CABCOCO1: variants seen among roughly 807,000 people sequenced by gnomAD.
CABCOCO1 encodes the protein ciliary-associated calcium-binding coiled-coil protein 1.
CABCOCO1 carries 28 observed loss-of-function variants against 35.7 expected under a neutral mutation model. That is an observed-to-expected ratio of 0.78 (90% confidence interval 0.58 to 1.07). The LOEUF (loss-of-function observed/expected upper bound fraction) is 1.07. CABCOCO1 is among the 50% of genes least tolerant of loss of function. CABCOCO1 has a pLI of 0.00. For missense variants in CABCOCO1, 326 were observed against 309.2 expected, an observed-to-expected ratio of 1.05 and a Z score of -0.41; for synonymous variants, 95 against 100.1, an observed-to-expected ratio of 0.95 and a Z score of 0.30.
intron 5 of CABCOCO1, among the ~76,000 whole-genome samples, chr10:61,717,491 C>T (rs1840896314): frequency 6.6e-6 from 1 of 151,864 alleles, no homozygotes; most frequent in Admixed American, 6.6e-5. Context: ...TTGTGCTGTA[C>T]CTAGAGATCC....
intron 2 of CABCOCO1, among the ~76,000 whole-genome samples, chr10:61,677,988 G>A (rs906536374): frequency 7.9e-5 from 12 of 151,858 alleles, no homozygotes; most frequent in African/African-American, 2.9e-4. Flanking sequence ...CTATCCAAAT[G>A]TCAGAAGTAT....
intron 5 of CABCOCO1, among the ~76,000 whole-genome samples, chr10:61,756,293 T>C (rs1228095612): frequency 6.6e-6 from 1 of 152,066 alleles, no homozygotes; most frequent in African/African-American, 2.4e-5. Context: ...ACTAACTTAA[T>C]TTTCATGTAA....
intron 1 of CABCOCO1, among the ~76,000 whole-genome samples, chr10:61,664,989 G>C (rs1839122020): frequency 6.6e-6 from 1 of 152,166 alleles, no homozygotes; most frequent in South Asian, 2.1e-4. Flanking sequence ...AATAAATTCT[G>C]TATCCAAAAT....
At chr10:61,692,206 T>C (rs1481738213) in intron 5 of CABCOCO1, among the ~76,000 whole-genome samples, 1 of 152,212 alleles carries the variant, frequency 6.6e-6, no homozygotes, top group Admixed American at 6.5e-5. Context: ...TGAGATTGTA[T>C]CTCATTGTGG....
intron 5 of CABCOCO1, among the ~76,000 whole-genome samples, chr10:61,717,113 G>GA (rs1169528337): frequency 6.6e-6 from 1 of 151,838 alleles, no homozygotes; most frequent in Non-Finnish European, 1.5e-5. Context: ...TGAAGAAAAG[G>GA]AAAAAATTAC....
intron 1 of CABCOCO1, among the ~76,000 whole-genome samples, chr10:61,666,095 T>C (rs1281698230): frequency 6.6e-6 from 1 of 152,158 alleles, no homozygotes; most frequent in African/African-American, 2.4e-5. Context: ...ACAGGATGCT[T>C]ACATAATTTT....
chr10:61,750,062 C>T (rs1399145050), intron 5 of CABCOCO1, among the ~76,000 whole-genome samples: 4 of 151,914 alleles, frequency 2.6e-5, no homozygotes, highest in African/African-American at 9.7e-5. Context: ...CAGTGGGTAC[C>T]TTTCACATTG....
intron 2 of CABCOCO1, among the ~76,000 whole-genome samples, 174 bp from the exon 3 acceptor site, chr10:61,680,969 T>TTC (rs1441503634): frequency 2.7e-5 from 4 of 150,758 alleles, no homozygotes; most frequent in African/African-American, 9.7e-5. Flanking sequence ...CCCATCCTCG[T>TTC]TCTCTCTCTC....
At chr10:61,670,554 G>A (rs12416187) in intron 1 of CABCOCO1, among the ~76,000 whole-genome samples, 47,551 of 152,000 alleles carry the variant, frequency 0.31, 8,814 homozygotes, top group Middle Eastern at 0.43. Flanking sequence ...ATAAGTGGTA[G>A]GTTTGAGATT....
At chr10:61,711,391 G>A (rs116327739) in intron 5 of CABCOCO1, among the ~76,000 whole-genome samples, 2,108 of 152,024 alleles carry the variant, frequency 0.014, 42 homozygotes, top group African/African-American at 0.048. Context: ...CAGTGAGAAA[G>A]AAGGTGATTT....
intron 5 of CABCOCO1, among the ~76,000 whole-genome samples, chr10:61,741,915 T>G (rs1189134316): frequency 6.6e-6 from 1 of 152,204 alleles, no homozygotes; most frequent in African/African-American, 2.4e-5. Flanking sequence ...TGTACCTAAT[T>G]TTATGTACTG....
chr10:61,735,915 T>C (rs1841405896), intron 5 of CABCOCO1, among the ~76,000 whole-genome samples: 1 of 152,262 alleles, frequency 6.6e-6, no homozygotes, highest in African/African-American at 2.4e-5. Context: ...ATCAGTGATA[T>C]TGAACTTTTT....
rs749534801 is a variant in CABCOCO1, at chr10:61,766,043, C to G, written c.*30C>G. On this transcript the variant is annotated 3_prime_UTR_variant, in exon 8 of 8. Coordinates refer to ENST00000648843, the MANE Select transcript of CABCOCO1 (RefSeq NM_001366906.2). ...TTGGTACAAGGAGAGTGATGCTAAA[C>G]TTCACAGAAACAAACAAAACCAGCC... 1 of 1,581,884 alleles carries G rather than the reference C, an allele frequency of 6.3e-7. No individual in the cohort carries two copies. The highest frequency in any genetic ancestry group is 1.1e-5 in the South Asian group (1 of 89,776).
intron 2 of CABCOCO1, among the ~76,000 whole-genome samples, chr10:61,675,913 T>A (rs180832150): frequency 2.0e-5 from 3 of 152,296 alleles, no homozygotes; most frequent in Non-Finnish European, 2.9e-5. Flanking sequence ...AAAGTTAGAA[T>A]ATACATTCAA....
intron 4 of CABCOCO1, among the ~76,000 whole-genome samples, chr10:61,689,945 A>G (rs1056690307): frequency 1.3e-5 from 2 of 152,148 alleles, no homozygotes; most frequent in South Asian, 4.1e-4. Flanking sequence ...TCTTTAGGGT[A>G]AGAACTGAAG....
chr10:61,719,486 C>A (rs1840945175), intron 5 of CABCOCO1, among the ~76,000 whole-genome samples: 1 of 150,924 alleles, frequency 6.6e-6, no homozygotes, highest in Non-Finnish European at 1.5e-5. Flanking sequence ...ACACCCTCCA[C>A]ACACACACAT....
intron 2 of CABCOCO1, among the ~76,000 whole-genome samples, chr10:61,677,015 G>A (rs972732627): frequency 6.6e-5 from 10 of 151,876 alleles, no homozygotes; most frequent in Non-Finnish European, 1.5e-4. Context: ...AGTGAGCCGG[G>A]ATGGAGCCAC....
intron 5 of CABCOCO1, among the ~76,000 whole-genome samples, chr10:61,750,979 A>G (rs1841769137): frequency 6.6e-6 from 1 of 152,158 alleles, no homozygotes; most frequent in Non-Finnish European, 1.5e-5. Context: ...CTCAAGGCCA[A>G]TGTGACAAAT....
At chr10:61,674,550 A>G (rs1378436538) in intron 2 of CABCOCO1, among the ~76,000 whole-genome samples, 2 of 152,190 alleles carry the variant, frequency 1.3e-5, no homozygotes, top group Non-Finnish European at 2.9e-5. Context: ...TTAAAATAGC[A>G]TTATTATAAA....
Sources: allele counts gnomAD v4.1 joint callset (sites outside exome capture counted in the v4.1 genomes callset), GRCh38; gene constraint gnomAD v4.1.1; transcripts MANE v1.5; gene names NCBI Gene and HGNC (gene_info 2026-07-23, HGNC 2026-07-21).